The following RNF213 variants were observed in gnomAD, a reference collection of about 807,000 sequenced individuals.
RNF213 encodes the protein E3 ubiquitin-protein ligase RNF213.
Under a neutral mutation model 514.4 loss-of-function variants are expected in RNF213, and 341 were observed. That is an observed-to-expected ratio of 0.66 (90% CI 0.61 to 0.73). RNF213 has a LOEUF of 0.73. Ranked by LOEUF, RNF213 falls within the 30% of genes least tolerant of loss-of-function variation. The pLI is 0.00. For synonymous variants in RNF213, 2,655 were observed against 2,658.2 expected, an observed-to-expected ratio of 1.00 and a Z score of 0.04; for missense variants, 5,767 against 6,615.6, an observed-to-expected ratio of 0.87 and a Z score of 4.45.
At chr17:80,387,058 G>C (rs908316195) in intron 63 of RNF213, among the ~76,000 whole-genome samples, 167 bp downstream of exon 63, 3 of 152,190 alleles carry the variant, frequency 2.0e-5, no homozygotes, top group Non-Finnish European at 4.4e-5. Flanking sequence ...CTGTATCTCC[G>C]GGCCGCAGGG....
intron 62 of RNF213, 49 bp downstream of exon 62, chr17:80,386,479 C>T: frequency 6.3e-7 from 1 of 1,598,478 alleles, no homozygotes; most frequent in Non-Finnish European, 8.6e-7. Context: ...CCCAGAGTCC[C>T]TAAGCCCAGT....
In RNF213 at chr17:80,288,077, A is replaced by C; in HGVS notation, c.524A>C (p.Gln175Pro). Residue 175 changes from glutamine (Q) to proline (P), a missense_variant, in exon 4 of 68, where the codon CAG (glutamine) becomes CCG (proline). Gln to Pro is a moderately conservative substitution (Grantham distance 76, BLOSUM62 -1). This residue lies in a region of RNF213 where 509 missense variants were observed against 496.7 expected (regional missense o/e 1.02). Coordinates refer to ENST00000582970, the MANE Select transcript of RNF213 (RefSeq NM_001256071.3). This position sits in a 1 kb window ranked among gnomAD's most constrained non-coding sequence, Gnocchi z 4.9. Reference sequence around the variant, plus strand: ...ACCGAGGTTGGCGACAGCCCCCTGCAGGCCCAGGCTTTGGGAGAGGCAGGA... The same window carrying C: ...ACCGAGGTTGGCGACAGCCCCCTGCCGGCCCAGGCTTTGGGAGAGGCAGGA... ...APTEVGDSPL[Q>P]AQALGEAGVA... The C allele has an allele frequency of 6.2e-7, 1 of 1,608,612 alleles. No individual in the cohort carries two copies. Among genetic ancestry groups the C allele is most frequent in the Non-Finnish European group, 8.5e-7 (1 of 1,176,702 alleles).
Position 80,288,304 on chromosome 17 carries a change from T to G in RNF213, c.751T>G (p.Ser251Ala). 5 of 1,613,000 alleles carry G rather than the reference T, an allele frequency of 3.1e-6. No homozygotes were observed. The highest frequency in any genetic ancestry group is 4.2e-6 in the Non-Finnish European group (5 of 1,179,982). The change falls in exon 4 of 68, where the codon TCT becomes GCT. Residue 251 changes from serine (S) to alanine (A), a missense_variant. Physicochemically the swap from Ser to Ala is moderately conservative, Grantham distance 99. Transcript: ENST00000582970. The surrounding 1 kb of genome is among the most constrained non-coding windows in gnomAD (Gnocchi z 4.9). ...GTTGCCTGAGTCAAAAGGAGGCAGC[T>G]CTGAGCCCGGGACAGAACTGCAGAC... The part of the protein sequence containing the change: ...LLLPESKGGS[S>A]EPGTELQTTE...
chr17:80,291,752 T>A lies in RNF213; in HGVS notation c.1396T>A (p.Tyr466Asn). Residue 466 changes from tyrosine to asparagine, a missense_variant, in exon 8 of 68, where the codon TAC becomes AAC. Physicochemically the swap from Tyr to Asn is moderately radical, Grantham distance 143 (BLOSUM62 -2). This residue lies in a region of RNF213 where 592 missense variants were observed against 673.9 expected (regional missense o/e 0.88). Coordinates refer to ENST00000582970, the MANE Select transcript of RNF213 (RefSeq NM_001256071.3). Reference sequence around the variant, plus strand: ...GGAATCTTTTGAGTATGAGTTCATTTACAAGCACCAGCAGAAGAAGGGCGA... The same window carrying A: ...GGAATCTTTTGAGTATGAGTTCATTAACAAGCACCAGCAGAAGAAGGGCGA... ...NGESFEYEFI[Y>N]KHQQKKGEYV... The A allele has an allele frequency of 1.2e-6, 2 of 1,614,218 alleles. No homozygotes were observed. The highest frequency in any genetic ancestry group is 1.7e-6 in the Non-Finnish European group (2 of 1,180,048).
chr17:80,359,797 C>A (rs2078987371), intron 37 of RNF213, among the ~76,000 whole-genome samples: 1 of 152,122 alleles, frequency 6.6e-6, no homozygotes, highest in South Asian at 2.1e-4. Context: ...TTGGTTCTGC[C>A]CGAGATTTTG....
At position 80,263,850 on chromosome 17, in the gene RNF213, A is replaced by G. The variant is rs144504639; in HGVS notation, c.97+72A>G. The G allele has an allele frequency of 7.2e-3, 9,508 of 1,327,670 alleles. 41 individuals are homozygous for G. Among genetic ancestry groups the G allele is most frequent in the Non-Finnish European group, 8.4e-3 (7,788 of 922,122 alleles). 82.2% of individuals were successfully genotyped at this position (1,327,670 alleles called of 1,614,324 possible). On this transcript the variant is annotated intron_variant, in intron 2 of 67. Coordinates refer to ENST00000582970, the MANE Select transcript of RNF213 (RefSeq NM_001256071.3). The surrounding 1 kb of genome is among the most constrained non-coding windows in gnomAD (Gnocchi z 4.9). ...GGAGATGTCTCACCTCCCTTCCAGGAAATGGAAACCCTGGGCAGCAGGCAG... is the reference window on the plus strand; with the variant it reads ...GGAGATGTCTCACCTCCCTTCCAGGGAATGGAAACCCTGGGCAGCAGGCAG...
At chr17:80,366,088 G>A (rs997273187) in intron 42 of RNF213, among the ~76,000 whole-genome samples, 2 of 152,234 alleles carry the variant, frequency 1.3e-5, no homozygotes, top group Non-Finnish European at 2.9e-5. Flanking sequence ...CCCAGCCCCC[G>A]CTGAAGAGCA....
intron 29 of RNF213, among the ~76,000 whole-genome samples, chr17:80,348,548 G>A (rs1486636016): frequency 1.3e-5 from 2 of 152,234 alleles, no homozygotes; most frequent in Non-Finnish European, 2.9e-5. Context: ...CACGTCCCAG[G>A]ACTGGGCCAA....
chr17:80,288,251 G>A lies in RNF213; in HGVS notation c.698G>A (p.Arg233Lys). Reference protein sequence around the residue: ...PPTSAGEGHSRTEDAAQELLL... With the variant: ...PPTSAGEGHSKTEDAAQELLL... ...ACCTCTGCTGGTGAAGGCCATTCTA[G>A]GACTGAAGATGCTGCCCAGGAGCTC... The change falls in exon 4 of 68, where the codon AGG becomes AAG. Residue 233 changes from arginine to lysine, a missense_variant. Arg to Lys is a conservative substitution (Grantham distance 26). Around this residue, in one of 13 missense-constraint regions of RNF213, gnomAD observed 509 missense variants for 496.7 expected, o/e 1.02. Transcript: ENST00000582970. The surrounding 1 kb of genome is among the most constrained non-coding windows in gnomAD (Gnocchi z 4.9). 3 of 1,613,324 alleles carry A rather than the reference G, an allele frequency of 1.9e-6. No homozygotes were observed. The highest frequency in any genetic ancestry group is 2.5e-6 in the Non-Finnish European group (3 of 1,180,022).
chr17:80,377,302 A>G lies in RNF213; in HGVS notation c.13510+339A>G. On this transcript the variant is annotated intron_variant, in intron 53 of 67. Coordinates refer to ENST00000582970, the MANE Select transcript of RNF213 (RefSeq NM_001256071.3). This position sits in a 1 kb window ranked among gnomAD's most constrained non-coding sequence, Gnocchi z 4.1. ...CCCACCACAAAACAAAGTTTTTGAC[A>G]CAAAGCTCTTCTGAAATATATGAAA... 1 of 406,018 alleles carries G rather than the reference A, an allele frequency of 2.5e-6. No individual in the cohort carries two copies. Among genetic ancestry groups the G allele is most frequent in the Non-Finnish European group, 4.5e-6 (1 of 219,994 alleles). 25.2% of individuals were successfully genotyped at this position (406,018 alleles called of 1,614,324 possible).
chr17:80,343,737 A>C lies in RNF213; in HGVS notation c.6184-120A>C. The stretch of plus-strand genomic sequence containing the variant: ...GGAGACATGGGCCGTTGTTGGCTGA[A>C]ATGTTGATGTTGATCATCAGGATCA... On this transcript the variant is annotated intron_variant, in intron 27 of 67. Coordinates refer to ENST00000582970, the MANE Select transcript of RNF213 (RefSeq NM_001256071.3). The surrounding 1 kb of genome is among the most constrained non-coding windows in gnomAD (Gnocchi z 4.3). 9.6e-7 allele frequency: 1 copy of C among 1,046,596 alleles called. No homozygotes were observed. Among genetic ancestry groups the C allele is most frequent in the Non-Finnish European group, 1.5e-6 (1 of 665,294 alleles). 64.8% of individuals were successfully genotyped at this position (1,046,596 alleles called of 1,614,324 possible). A position where few individuals can be genotyped will look rare whatever the true frequency, so the allele number is the denominator to read the frequency against.
At position 80,354,002 on chromosome 17, in the gene RNF213, A is replaced by G. The variant is rs376344002; in HGVS notation, c.10579-17A>G. ...GTCAGTGGCAGAAACGGATGACCCA[A>G]CCGTCTCCACCAACAGGTGTCGATC... is the stretch of plus-strand genomic sequence containing the variant. On this transcript the variant is annotated splice_polypyrimidine_tract_variant and intron_variant, in intron 34 of 67. Coordinates refer to ENST00000582970, the MANE Select transcript of RNF213 (RefSeq NM_001256071.3). The G allele has an allele frequency of 1.2e-6, 2 of 1,613,588 alleles. No individual in the cohort carries two copies. The highest frequency in any genetic ancestry group is 1.3e-5 in the African/African-American group (1 of 75,044).
intron 38 of RNF213, among the ~76,000 whole-genome samples, chr17:80,361,190 A>T (rs2079042142): frequency 6.6e-6 from 1 of 152,110 alleles, no homozygotes; most frequent in African/African-American, 2.4e-5. Flanking sequence ...GCTGTTTCTG[A>T]CCTAAATTTG....
Position 80,376,982 on chromosome 17 carries a change from A to G in RNF213, c.13510+19A>G, listed in dbSNP as rs562404484. 9.7e-5 allele frequency: 151 copies of G among 1,563,384 alleles called. No individual in the cohort carries two copies. The South Asian group carries it at 1.5e-3, about 15-fold the overall frequency. On this transcript the variant is annotated intron_variant, in intron 53 of 67. Transcript: ENST00000582970. ...TGGTACAGTAAGTGTTGGGGTCTAG[A>G]TGACCCCACACTCCTTTGAGCTTCA...
Position 80,339,858 on chromosome 17 carries a change from A to G in RNF213, c.5491A>G (p.Asn1831Asp). ...LPRGLQVGQP[N>D]LVVCGHSEVL... Reference sequence around the variant, plus strand: ...GAGAGGTCTGCAGGTCGGCCAGCCCAACCTCGTCGTCTGTGGCCACTCCGA... The same window carrying G: ...GAGAGGTCTGCAGGTCGGCCAGCCCGACCTCGTCGTCTGTGGCCACTCCGA... The change falls in exon 26 of 68, where the codon AAC (asparagine) becomes GAC (aspartate). Residue 1831 changes from asparagine (N) to aspartate (D), a missense_variant. Coordinates refer to ENST00000582970, the MANE Select transcript of RNF213 (RefSeq NM_001256071.3). 1.3e-6 allele frequency: 2 copies of G among 1,536,534 alleles called. No individual in the cohort carries two copies. Among genetic ancestry groups the G allele is most frequent in the South Asian group, 2.4e-5 (2 of 84,036 alleles).
rs576544393 is a variant in RNF213 at position 80,301,464 on chromosome 17, AC to A, written c.2210+2947del. On this transcript the variant is annotated intron_variant, in intron 11 of 67. Transcript: ENST00000582970. ...GGAACTCAAACAAGTGAACAGAAAA[AC>A]TCAGATCTAAAAATGGACAAATGAG... Among the ~76,000 whole-genome samples, 277 of 152,294 alleles carry A rather than the reference AC, an allele frequency of 1.8e-3. 9 individuals carry two copies. The South Asian group carries it at 0.026, about 14-fold the overall frequency.
intron 3 of RNF213, among the ~76,000 whole-genome samples, chr17:80,279,569 A>T (rs2044185999): frequency 1.3e-5 from 2 of 151,528 alleles, no homozygotes; most frequent in South Asian, 4.2e-4. Context: ...GGTTCAAGCG[A>T]TTCTCCTGCC....
In RNF213 at chr17:80,350,243, T is replaced by C. The variant is rs2144183078; in HGVS notation, c.10089-58T>C. ...ATGTTTCCCATCACTTTGGGGAATTTTCTTTTCCATTTTTTTAAGACAGAG... is the reference window on the plus strand; with the variant it reads ...ATGTTTCCCATCACTTTGGGGAATTCTCTTTTCCATTTTTTTAAGACAGAG... On this transcript the variant is annotated intron_variant, in intron 30 of 67. Transcript: ENST00000582970. 9 of 1,098,794 alleles carry C rather than the reference T, an allele frequency of 8.2e-6. No individual in the cohort carries two copies. In the South Asian group the frequency reaches 1.1e-4, roughly 14 times the overall value. 68.1% of individuals were successfully genotyped at this position (1,098,794 alleles called of 1,614,324 possible).
At position 80,386,335 on chromosome 17, in the gene RNF213, C is replaced by A; in HGVS notation, c.14625C>A (p.Gly4875=). 1 of 1,614,106 alleles carries A rather than the reference C, an allele frequency of 6.2e-7. No individual in the cohort carries two copies. The highest frequency in any genetic ancestry group is 8.5e-7 in the Non-Finnish European group (1 of 1,180,010). ...EFEILLPRRR[G]LGLCATALVS... is the part of the protein sequence containing the mutation. ...AGATCCTCTTGCCACGCCGACGGGGCCTGGGCCTCTGTGCTACCGCTCTCG... is the reference window on the plus strand; with the variant it reads ...AGATCCTCTTGCCACGCCGACGGGGACTGGGCCTCTGTGCTACCGCTCTCG... The change falls in exon 62 of 68, where the codon GGC becomes GGA. Residue 4875 remains glycine, a synonymous_variant. Coordinates refer to ENST00000582970, the MANE Select transcript of RNF213 (RefSeq NM_001256071.3).
Sources: gnomAD v4.1 joint callset for allele counts (sites outside exome capture counted in the v4.1 genomes callset) on GRCh38, gnomAD v4.1.1 for gene constraint, gnomAD v4.1.1 regional missense constraint, Gnocchi (gnomAD v3.1) non-coding constraint, MANE v1.5 for transcripts, NCBI Gene and HGNC (gene_info 2026-07-23, HGNC 2026-07-21) for gene names.